Variants in EML5 observed in about 807,000 individuals in gnomAD.
EML5 encodes the protein EMAP like 5.
EML5 carries 120 observed loss-of-function variants against 250.0 expected under a neutral mutation model. That is an observed-to-expected ratio of 0.48 (90% CI 0.41 to 0.56). The LOEUF is 0.56. Among genes scored for constraint, EML5 ranks in the 20% least tolerant of loss-of-function variants. The pLI, the probability that EML5 is intolerant of heterozygous loss-of-function variation, is 0.00. For synonymous variants in EML5, 771 were observed against 806.5 expected (o/e 0.96, Z 0.75); for missense variants, 2,006 against 2,437.6 (o/e 0.82, Z 3.73).
In EML5 at chr14:88,613,641, C is replaced by T. The variant is rs984461463; in HGVS notation, c.*2177G>A. On this transcript the variant is annotated 3_prime_UTR_variant, in exon 44 of 44. Transcript: ENST00000554922. Reference sequence around the variant, plus strand: ...TGGATGACGTGGTTTAAAATGATCACCACAAAAAGGGACCACAAAAAAAGG... The same window carrying T: ...TGGATGACGTGGTTTAAAATGATCATCACAAAAAGGGACCACAAAAAAAGG... 1.3e-5 allele frequency: 2 copies of T among 151,876 alleles called. No homozygotes were observed. The highest frequency in any genetic ancestry group is 2.9e-5 in the Non-Finnish European group (2 of 67,988). The allele number at this position is 151,876 out of a possible 1,614,324, so 9.4% of individuals were successfully genotyped here. A position where few individuals can be genotyped will look rare whatever the true frequency, so the allele number is the denominator to read the frequency against.
At position 88,649,902 on chromosome 14, in the gene EML5, A is replaced by G. The variant is rs1342217050; in HGVS notation, c.4019+10T>C. On this transcript the variant is annotated intron_variant, in intron 28 of 43. Transcript: ENST00000554922. The stretch of plus-strand genomic sequence containing the variant: ...TTTGAATAAAATATTTTCTTTTATA[A>G]AACACTTACCTTACTACTCCCTGCC... 1 of 1,494,052 alleles carries G rather than the reference A, an allele frequency of 6.7e-7. No individual in the cohort carries two copies. Among genetic ancestry groups the G allele is most frequent in the Non-Finnish European group, 8.9e-7 (1 of 1,122,872 alleles). 92.5% of individuals were successfully genotyped at this position (1,494,052 alleles called of 1,614,324 possible).
chr14:88,618,459 T>C, intron 40 of EML5, 128 bp from the exon 41 acceptor site: 1 of 1,096,240 alleles, frequency 9.1e-7, no homozygotes, highest in Admixed American at 2.3e-5. Flanking sequence ...ATGCAAAAGA[T>C]CACTACAAAA....
At chr14:88,616,288 A>T in intron 42 of EML5, 46 bp from the exon 43 acceptor site, 1 of 1,560,632 alleles carries the variant, frequency 6.4e-7, no homozygotes. Context: ...GTGCACACAG[A>T]AGTCAAAGGC....
chr14:88,791,084 GTCTTT>G (rs1222300963), intron 1 of EML5, among the ~76,000 whole-genome samples: 1 of 150,548 alleles, frequency 6.6e-6, no homozygotes, highest in African/African-American at 2.5e-5. Flanking sequence ...TCTCAATTTT[GTCTTT>G]TCTTATCTTT....
At chr14:88,722,757 T>G (rs932469594) in intron 8 of EML5, among the ~76,000 whole-genome samples, 21 of 152,126 alleles carry the variant, frequency 1.4e-4, no homozygotes, top group Admixed American at 6.6e-4. Context: ...TGCCAAGGTC[T>G]GATTTTTCAT....
At chr14:88,750,305 A>G (rs1458120922) in intron 2 of EML5, among the ~76,000 whole-genome samples, 2 of 152,152 alleles carry the variant, frequency 1.3e-5, no homozygotes, top group East Asian at 3.8e-4. Flanking sequence ...AGGGGTCACT[A>G]TGAGAATCAA....
chr14:88,656,518 A>C (rs992875951), intron 27 of EML5, among the ~76,000 whole-genome samples: 3 of 152,156 alleles, frequency 2.0e-5, no homozygotes, highest in African/African-American at 7.2e-5. Context: ...CCTAATGTAG[A>C]TGATGGGCTG....
chr14:88,784,946 GTC>G (rs1176515727), intron 1 of EML5, among the ~76,000 whole-genome samples: 6 of 152,170 alleles, frequency 3.9e-5, no homozygotes, highest in African/African-American at 7.2e-5. Context: ...CAACCTAAGA[GTC>G]TATCAACAGA....
chr14:88,638,648 C>G (rs561406716), intron 32 of EML5, among the ~76,000 whole-genome samples, 161 bp downstream of exon 32: 11 of 152,270 alleles, frequency 7.2e-5, no homozygotes, highest in Non-Finnish European at 1.3e-4. Flanking sequence ...AGAAAGGTAC[C>G]TGAAAGCAAA....
At chr14:88,732,523 G>T (rs1002686900) in intron 7 of EML5, among the ~76,000 whole-genome samples, 1 of 152,042 alleles carries the variant, frequency 6.6e-6, no homozygotes, top group African/African-American at 2.4e-5. Flanking sequence ...TTGTTCTTTT[G>T]GCTTAGGATT....
intron 21 of EML5, among the ~76,000 whole-genome samples, chr14:88,680,524 T>C (rs2092693919): frequency 6.6e-6 from 1 of 152,000 alleles, no homozygotes. Flanking sequence ...TTTTCAGTGG[T>C]TCTCGATGGT....
rs35953031 is a variant in EML5 at position 88,620,934 on chromosome 14, TAAA to T, written c.5203-11_5203-9del. The T allele has an allele frequency of 1.7e-3, 2,315 of 1,362,000 alleles. No homozygotes were observed. The highest frequency in any genetic ancestry group is 7.8e-3 in the South Asian group (477 of 61,456). The allele number at this position is 1,362,000 out of a possible 1,614,324, so 84.4% of individuals were successfully genotyped here. On this transcript the variant is annotated splice_polypyrimidine_tract_variant and intron_variant, in intron 38 of 43. Transcript: ENST00000554922. This position sits in a 1 kb window ranked among gnomAD's most constrained non-coding sequence, Gnocchi z 4.3. ...CACTTTGTTTAACATCTTCTGCATT[TAAA>T]AAAAAAAAAAAAAAGAGTCATAGGA...
chr14:88,727,799 A>AT (rs1161086325), intron 7 of EML5, among the ~76,000 whole-genome samples: 1 of 152,202 alleles, frequency 6.6e-6, no homozygotes, highest in African/African-American at 2.4e-5. Context: ...GTAGACACAC[A>AT]TATGTATATA....
chr14:88,662,366 T>TA (rs1555430041), intron 24 of EML5, among the ~76,000 whole-genome samples: 115 of 141,284 alleles, frequency 8.1e-4, no homozygotes, highest in Non-Finnish European at 5.5e-4. Context: ...TTTTTTTTTT[T>TA]AAAGAAGCAA....
At position 88,688,262 on chromosome 14, in the gene EML5, G is replaced by A. The variant is rs756022327; in HGVS notation, c.2742+9C>T. ...TTTGTTTAATTTAAAATCTCTTTAG[G>A]TTACTTACTTTTTCCAATGCATGCA... On this transcript the variant is annotated intron_variant, in intron 18 of 43. Coordinates refer to ENST00000554922, the MANE Select transcript of EML5 (RefSeq NM_183387.3). 1.2e-6 allele frequency: 2 copies of A among 1,613,452 alleles called. No individual in the cohort carries two copies. Among genetic ancestry groups the A allele is most frequent in the East Asian group, 4.5e-5 (2 of 44,860 alleles).
chr14:88,783,552 T>TA lies in EML5; in HGVS notation c.197+8754dup, dbSNP rs926731802. 4.6e-5 allele frequency among the ~76,000 whole-genome samples: 7 copies of TA among 152,110 alleles called. No individual in the cohort carries two copies. The East Asian group carries it at 7.7e-4, about 17-fold the overall frequency. On this transcript the variant is annotated intron_variant, in intron 1 of 43. Transcript: ENST00000554922. Reference sequence around the variant, plus strand: ...TATACCAGAAAAAGTAGATTTGAAGTAAAAAAACAAGTGACAAAGTCACCG... The same window carrying TA: ...TATACCAGAAAAAGTAGATTTGAAGTAAAAAAAACAAGTGACAAAGTCACCG...
chr14:88,706,196 T>C (rs1467776259), intron 11 of EML5, 63 bp downstream of exon 11: 22 of 1,426,016 alleles, frequency 1.5e-5, no homozygotes, highest in Non-Finnish European at 1.8e-5. Flanking sequence ...ATAAAATTGT[T>C]ATTTGGGGGT....
At chr14:88,632,340 T>G (rs767524944) in intron 33 of EML5, among the ~76,000 whole-genome samples, 18 of 152,154 alleles carry the variant, frequency 1.2e-4, no homozygotes, top group Non-Finnish European at 2.4e-4. Context: ...CTCTTCCCCC[T>G]CTACATTCTC....
chr14:88,616,175 C>A lies in EML5; in HGVS notation c.5864G>T (p.Arg1955Leu), dbSNP rs750897466. 19 of 1,613,712 alleles carry A rather than the reference C, an allele frequency of 1.2e-5. No individual in the cohort carries two copies. Among genetic ancestry groups the A allele is most frequent in the Non-Finnish European group, 1.6e-5 (19 of 1,179,810 alleles). The change falls in exon 43 of 44, where the codon CGA becomes CTA. Residue 1955 changes from arginine to leucine, a missense_variant. By Grantham distance (102) the Arg-to-Leu change is moderately radical (BLOSUM62 -2). Around this residue, in one of 7 missense-constraint regions of EML5, gnomAD observed 56 missense variants for 55.1 expected, o/e 1.02. Transcript: ENST00000554922. ...VTNIRFTSGD[R>L]HVVSAGGDDC... ...ATCACCTCCAGCACTAACAACATGT[C>A]GATCACCACTGGTAAATCGAATATT...
Sources: gnomAD v4.1 joint callset for allele counts (sites outside exome capture counted in the v4.1 genomes callset) on GRCh38, gnomAD v4.1.1 for gene constraint, gnomAD v4.1.1 regional missense constraint, Gnocchi (gnomAD v3.1) non-coding constraint, MANE v1.5 for transcripts, NCBI Gene and HGNC (gene_info 2026-07-23, HGNC 2026-07-21) for gene names.